ANGEL1: variants seen among roughly 807,000 people sequenced by gnomAD.
The protein encoded by ANGEL1 is RNA 2',3'-cyclic phosphatase ANGEL1.
ANGEL1 carries 62 observed loss-of-function variants against 76.4 expected under a neutral mutation model. The ratio of observed to expected loss-of-function variants is 0.81; its 90% confidence interval spans 0.66 to 1.00. ANGEL1 has a LOEUF of 1.00. ANGEL1 is among the 50% of genes least tolerant of loss of function. The pLI is 0.00. For missense variants in ANGEL1, 737 were observed against 836.7 expected, an observed-to-expected ratio of 0.88 and a Z score of 1.47; for synonymous variants, 340 against 331.7, an observed-to-expected ratio of 1.03 and a Z score of -0.27.
At chr14:76,801,186 C>CTGCAGCCT (rs1461900921) in intron 7 of ANGEL1, among the ~76,000 whole-genome samples, 3 of 151,570 alleles carry the variant, frequency 2.0e-5, no homozygotes, top group Non-Finnish European at 4.4e-5. Flanking sequence ...ACATGGCTCA[C>CTGCAGCCT]TGCAGCCTTG....
At chr14:76,793,308 G>C (rs906635052) in intron 7 of ANGEL1, among the ~76,000 whole-genome samples, 1 of 143,726 alleles carries the variant, frequency 7.0e-6, no homozygotes, top group Non-Finnish European at 1.5e-5. Context: ...CTGAGTCCTT[G>C]TCACAGAAAG....
intron 1 of ANGEL1, 46 bp downstream of exon 1, chr14:76,812,716 AGG>A: frequency 6.8e-7 from 1 of 1,474,816 alleles, no homozygotes; most frequent in Non-Finnish European, 9.0e-7. Context: ...AGCCCCGCAG[AGG>A]CGAGCCCTGG....
chr14:76,790,703 C>T lies in ANGEL1; in HGVS notation c.1760G>A (p.Arg587His), dbSNP rs115093259. Reference protein sequence around the residue: ...VYTHFLPQRGRPEVTTMPLGL... With the variant: ...VYTHFLPQRGHPEVTTMPLGL... ...CAATGGCATTGTAGTGACCTCTGGG[C>T]GGCCACGCTGGGGCAGGAAGTGGGT... Residue 587 changes from arginine to histidine, a missense_variant, in exon 9 of 10, where the codon CGC becomes CAC. Arg to His is a conservative substitution (Grantham distance 29). Around this residue, in one of 2 missense-constraint regions of ANGEL1, gnomAD observed 296 missense variants for 387.2 expected, o/e 0.76. Transcript: ENST00000251089. 872 of 1,614,100 alleles carry T rather than the reference C, an allele frequency of 5.4e-4. 3 individuals carry two copies. In the African/African-American group the frequency reaches 0.01, roughly 19 times the overall value.
rs149979933 is a variant in ANGEL1 at position 76,786,434 on chromosome 14, T to C, written c.*2794A>G. On this transcript the variant is annotated 3_prime_UTR_variant, in exon 10 of 10. Coordinates refer to ENST00000251089, the MANE Select transcript of ANGEL1 (RefSeq NM_015305.4). Reference sequence around the variant, plus strand: ...GCCTCAGCCTCCCAAAGTGCTGGGATTACAGGTGTGAGCCACCGCACCCGG... The same window carrying C: ...GCCTCAGCCTCCCAAAGTGCTGGGACTACAGGTGTGAGCCACCGCACCCGG... 13,182 of 152,314 alleles carry C rather than the reference T, an allele frequency of 0.087. 786 individuals carry two copies. Among genetic ancestry groups the C allele is most frequent in the Non-Finnish European group, 0.13 (8,604 of 68,072 alleles). The allele number at this position is 152,314 out of a possible 1,614,324, so 9.4% of individuals were successfully genotyped here.
intron 7 of ANGEL1, among the ~76,000 whole-genome samples, chr14:76,800,872 C>T (rs527762742): frequency 6.6e-6 from 1 of 151,946 alleles, no homozygotes; most frequent in Non-Finnish European, 1.5e-5. Context: ...ATTGGGGAGG[C>T]TGAGGCAGGA....
intron 3 of ANGEL1, among the ~76,000 whole-genome samples, chr14:76,807,720 T>C (rs1051181058): frequency 6.6e-6 from 1 of 152,194 alleles, no homozygotes; most frequent in Non-Finnish European, 1.5e-5. Flanking sequence ...CCTTCCTGCA[T>C]AAAGGTGCTG....
At chr14:76,807,565 G>A (rs1027654429) in intron 3 of ANGEL1, 63 bp from the exon 4 acceptor site, 10 of 1,547,946 alleles carry the variant, frequency 6.5e-6, no homozygotes, top group Middle Eastern at 2.0e-4. Context: ...CACCCTCTAG[G>A]AGCAGGTCCT....
At chr14:76,790,109 A>G (rs1450128375) in intron 9 of ANGEL1, among the ~76,000 whole-genome samples, 2 of 151,898 alleles carry the variant, frequency 1.3e-5, no homozygotes, top group Admixed American at 1.3e-4. Context: ...TGATCTACCC[A>G]CCTCGGCCTC....
In ANGEL1 at chr14:76,791,313, C is replaced by G; in HGVS notation, c.1672G>C (p.Glu558Gln). The change falls in exon 8 of 10, where the codon GAG (glutamate) becomes CAG (glutamine). Residue 558 changes from glutamate to glutamine, a missense_variant. Glu to Gln is a conservative substitution (Grantham distance 29). This residue lies in a region of ANGEL1 where 296 missense variants were observed against 387.2 expected (regional missense o/e 0.76). Transcript: ENST00000251089. Reference sequence around the variant, plus strand: ...GAAGGTTACCTGGAGAAGGCAGGCTCAAGCTCCGATGCATCTTCCTCAAGG... The same window carrying G: ...GAAGGTTACCTGGAGAAGGCAGGCTGAAGCTCCGATGCATCTTCCTCAAGG... Reference protein sequence around the residue: ...SVLEEDASELEPAFSRTVGTI... With the variant: ...SVLEEDASELQPAFSRTVGTI... The G allele has an allele frequency of 6.2e-7, 1 of 1,614,116 alleles. No homozygotes were observed. The highest frequency in any genetic ancestry group is 8.5e-7 in the Non-Finnish European group (1 of 1,180,000).
chr14:76,803,962 A>T, intron 5 of ANGEL1, 50 bp from the exon 6 acceptor site: 2 of 1,614,094 alleles, frequency 1.2e-6, no homozygotes, highest in Non-Finnish European at 1.7e-6. Context: ...TAGAAAAAGG[A>T]AGTAACAGCC....
chr14:76,790,523 G>A (rs1054504544), intron 9 of ANGEL1, 88 bp downstream of exon 9: 40 of 1,527,242 alleles, frequency 2.6e-5, no homozygotes, highest in Non-Finnish European at 3.4e-5. Flanking sequence ...AATCCCAGCA[G>A]CTGAAGACAT....
intron 5 of ANGEL1, among the ~76,000 whole-genome samples, chr14:76,806,029 T>C (rs1461550093): frequency 6.6e-6 from 1 of 152,154 alleles, no homozygotes; most frequent in Non-Finnish European, 1.5e-5. Context: ...GATATCACTG[T>C]AAATGCAAAG....
intron 7 of ANGEL1, among the ~76,000 whole-genome samples, chr14:76,796,554 T>G (rs1346106324): frequency 6.6e-6 from 1 of 152,190 alleles, no homozygotes; most frequent in Non-Finnish European, 1.5e-5. Flanking sequence ...TGTGCCCAGC[T>G]TTTCACTTTT....
intron 6 of ANGEL1, 101 bp downstream of exon 6, chr14:76,803,683 TAA>T: frequency 6.7e-7 from 1 of 1,493,508 alleles, no homozygotes; most frequent in South Asian, 1.3e-5. Context: ...AGGAATCTGC[TAA>T]GAGAAATGAG....
chr14:76,805,047 A>ATAAT (rs1894877200), intron 5 of ANGEL1, among the ~76,000 whole-genome samples: 2 of 151,880 alleles, frequency 1.3e-5, no homozygotes, highest in South Asian at 4.2e-4. Flanking sequence ...AAATAAATAA[A>ATAAT]TAAATAAAAT....
At position 76,789,125 on chromosome 14, in the gene ANGEL1, G is replaced by A. The variant is rs565485631; in HGVS notation, c.*103C>T. 1.0e-4 allele frequency: 146 copies of A among 1,434,056 alleles called. 1 individual carries two copies. The African/African-American group carries it at 1.8e-3, about 18-fold the overall frequency. 88.8% of individuals were successfully genotyped at this position (1,434,056 alleles called of 1,614,324 possible). On this transcript the variant is annotated 3_prime_UTR_variant, in exon 10 of 10. Transcript: ENST00000251089. Reference sequence around the variant, plus strand: ...AACGAGGAGGGGGAAGGGAGGGGATGTAAGTTTCTTGGATCTAAGTTTCTA... The same window carrying A: ...AACGAGGAGGGGGAAGGGAGGGGATATAAGTTTCTTGGATCTAAGTTTCTA...
chr14:76,809,207 A>G lies in ANGEL1; in HGVS notation c.501T>C (p.Gly167=). 6.2e-7 allele frequency: 1 copy of G among 1,613,352 alleles called. No homozygotes were observed. The highest frequency in any genetic ancestry group is 8.5e-7 in the Non-Finnish European group (1 of 1,179,652). ...QYADCAALPV[G]ALATEQWEED... is the part of the protein sequence containing the mutation. Reference sequence around the variant, plus strand: ...CTTCCCACTGCTCTGTGGCCAGGGCACCCACTGGGAGGGCAGCACAGTCTG... The same window carrying G: ...CTTCCCACTGCTCTGTGGCCAGGGCGCCCACTGGGAGGGCAGCACAGTCTG... Residue 167 remains glycine, a synonymous_variant, in exon 2 of 10, where the codon GGT becomes GGC. Transcript: ENST00000251089.
Position 76,809,908 on chromosome 14 carries a change from G to A in ANGEL1, c.65-265C>T, listed in dbSNP as rs1249077091. ...TAAATATTCAGTGCATGAAAGAACA[G>A]CTGTCTCACATAATCTAGAACACAG... is the stretch of plus-strand genomic sequence containing the variant. On this transcript the variant is annotated intron_variant, in intron 1 of 9. Transcript: ENST00000251089. 2.0e-5 allele frequency among the ~76,000 whole-genome samples: 3 copies of A among 152,222 alleles called. No homozygotes were observed. In the East Asian group the frequency reaches 5.8e-4, roughly 29 times the overall value.
chr14:76,794,113 A>T (rs1046687790), intron 7 of ANGEL1, among the ~76,000 whole-genome samples: 1 of 152,184 alleles, frequency 6.6e-6, no homozygotes, highest in Non-Finnish European at 1.5e-5. Context: ...ATCTATGGTC[A>T]ATTGATTTTT....
Sources: allele counts gnomAD v4.1 joint callset (sites outside exome capture counted in the v4.1 genomes callset), GRCh38; gene constraint gnomAD v4.1.1; regional missense constraint gnomAD v4.1.1; transcripts MANE v1.5; gene names NCBI Gene and HGNC (gene_info 2026-07-23, HGNC 2026-07-21).